USF3: variants seen among roughly 807,000 people sequenced by gnomAD.
The protein encoded by USF3 is basic helix-loop-helix domain-containing protein USF3.
In USF3, 29 loss-of-function variants were observed where a neutral mutation model predicts 157.5. The ratio of observed to expected loss-of-function variants is 0.18; its 90% CI spans 0.14 to 0.25. USF3 has a LOEUF of 0.25. Among genes scored for constraint, USF3 ranks in the 10% least tolerant of loss-of-function variants. The probability of loss-of-function intolerance (pLI) is 1.00; values close to 1 mark genes in which losing one functional copy is unlikely to be tolerated. For synonymous variants in USF3, 893 were observed against 941.4 expected, an observed-to-expected ratio of 0.95 and a Z score of 0.94; for missense variants, 2,381 against 2,667.6, an observed-to-expected ratio of 0.89 and a Z score of 2.37.
chr3:113,681,704 T>A (rs1707433641), intron 1 of USF3, among the ~76,000 whole-genome samples: 1 of 150,524 alleles, frequency 6.6e-6, no homozygotes, highest in African/African-American at 2.5e-5. Context: ...CCAGCAATAT[T>A]ATTTCAATTT....
rs375828256 is a variant in USF3, at chr3:113,660,284, G to A, written c.1398C>T (p.Thr466=). ...PVLNESGTSP[T]TSNHSRYVAT... ...CCACATATCTACTGTGGTTGCTTGT[G>A]GTGGGGCTAGTACCAGACTCATTTA... The change falls in exon 7 of 7, where the codon ACC becomes ACT. Residue 466 remains threonine, a synonymous_variant. Transcript: ENST00000316407. The A allele has an allele frequency of 7.1e-5, 115 of 1,614,166 alleles. No individual in the cohort carries two copies. The African/African-American group carries it at 1.3e-3, about 18-fold the overall frequency.
chr3:113,684,740 G>A (rs2107957244), intron 1 of USF3, among the ~76,000 whole-genome samples: 2 of 152,138 alleles, frequency 1.3e-5, no homozygotes, highest in East Asian at 3.9e-4. Context: ...ATAGGATTCT[G>A]AATTTTTTCT....
chr3:113,680,131 T>A lies in USF3; in HGVS notation c.-134-2734A>T, dbSNP rs1048055305. The stretch of plus-strand genomic sequence containing the variant: ...GGTAACATTGGCTTCACAGAATGAA[T>A]TCGAAGTATTCCCTCCTCCTCTATT... On this transcript the variant is annotated intron_variant, in intron 1 of 6. Coordinates refer to ENST00000316407, the MANE Select transcript of USF3 (RefSeq NM_001009899.4). Among the ~76,000 whole-genome samples the A allele has an allele frequency of 2.1e-4, 30 of 145,442 alleles. No individual in the cohort carries two copies. In the Admixed American group the frequency reaches 2.1e-3, roughly 10 times the overall value.
rs751876795 is a variant in USF3 at position 113,661,185 on chromosome 3, T to G, written c.497A>C (p.Gln166Pro). The G allele has an allele frequency of 6.2e-7, 1 of 1,614,222 alleles. No homozygotes were observed. The highest frequency in any genetic ancestry group is 1.1e-5 in the South Asian group (1 of 91,082). Residue 166 changes from glutamine (Q) to proline (P), a missense_variant, in exon 7 of 7, where the codon CAG (glutamine) becomes CCG (proline). By Grantham distance (76) the Gln-to-Pro change is moderately conservative. Coordinates refer to ENST00000316407, the MANE Select transcript of USF3 (RefSeq NM_001009899.4). ...ATGACTAACATTAAAAGTTATCCCC[T>G]GAACAGCTGTTCCCTGGCTGTTTCC... ...PGGNSQGTAVQGITFNVSHNL... is the reference protein window; with the variant it reads ...PGGNSQGTAVPGITFNVSHNL...
intron 4 of USF3, among the ~76,000 whole-genome samples, chr3:113,670,704 T>C (rs962189199): frequency 1.3e-5 from 2 of 152,156 alleles, no homozygotes; most frequent in Admixed American, 1.3e-4. Context: ...ATGTCTAAGA[T>C]GTCATTTTTT....
In USF3 at chr3:113,648,735, T is replaced by TACA. The variant is rs1255005459; in HGVS notation, c.*6206_*6208dup. ...CAGACACTGCTGCCATGGTAATAGA[T>TACA]ACAAATATTACACTATTGAAAGCAC... is the stretch of plus-strand genomic sequence containing the variant. On this transcript the variant is annotated 3_prime_UTR_variant, in exon 7 of 7. Transcript: ENST00000316407. 1 of 152,598 alleles carries TACA rather than the reference T, an allele frequency of 6.6e-6. No individual in the cohort carries two copies. Among genetic ancestry groups the TACA allele is most frequent in the Non-Finnish European group, 1.5e-5 (1 of 68,022 alleles). The allele number at this position is 152,598 out of a possible 1,614,324, so 9.5% of individuals were successfully genotyped here. A position where few individuals can be genotyped will look rare whatever the true frequency, so the allele number is the denominator to read the frequency against.
At position 113,695,402 on chromosome 3, in the gene USF3, G is replaced by A. The variant is rs545699541; in HGVS notation, c.-135+968C>T. ...TTCAAAAGGCAGGTTTGTCTGTTTG[G>A]TTTTCTTTACAAAAGAGCAAACCTG... On this transcript the variant is annotated intron_variant, in intron 1 of 6. Coordinates refer to ENST00000316407, the MANE Select transcript of USF3 (RefSeq NM_001009899.4). Among the ~76,000 whole-genome samples the A allele has an allele frequency of 3.3e-5, 5 of 152,276 alleles. 1 individual carries two copies. In the South Asian group the frequency reaches 1.0e-3, roughly 32 times the overall value.
intron 1 of USF3, among the ~76,000 whole-genome samples, chr3:113,688,697 A>G (rs1707613840): frequency 6.6e-6 from 1 of 152,158 alleles, no homozygotes; most frequent in African/African-American, 2.4e-5. Context: ...GTGTGCAAGA[A>G]TTTTTCAAAA....
At chr3:113,687,446 T>C (rs1455122829) in intron 1 of USF3, among the ~76,000 whole-genome samples, 3 of 152,214 alleles carry the variant, frequency 2.0e-5, no homozygotes, top group Admixed American at 1.3e-4. Context: ...TACTGGGGTG[T>C]CACTGCTTCC....
intron 6 of USF3, among the ~76,000 whole-genome samples, chr3:113,663,397 TTATC>T (rs1423070309): frequency 6.6e-6 from 1 of 152,224 alleles, no homozygotes; most frequent in Admixed American, 6.5e-5. Flanking sequence ...CATGGATCAT[TTATC>T]TATCTGACGG....
Position 113,660,642 on chromosome 3 carries a change from G to C in USF3, c.1040C>G (p.Pro347Arg). The change falls in exon 7 of 7, where the codon CCT (proline) becomes CGT (arginine). Residue 347 changes from proline (P) to arginine (R), a missense_variant. This residue lies in a region of USF3 where 1,435 missense variants were observed against 1,550.9 expected (regional missense o/e 0.93). Transcript: ENST00000316407. ...AGAAGAATCACCTGCAGTTCTGGGA[G>C]GCTGCGAGCAGACTGTGGTGGTAAC... Reference protein sequence around the residue: ...VSVTTTVCSQPPRTAGDSSPM... With the variant: ...VSVTTTVCSQRPRTAGDSSPM... The C allele has an allele frequency of 6.2e-7, 1 of 1,614,192 alleles. No individual in the cohort carries two copies. The highest frequency in any genetic ancestry group is 1.1e-5 in the South Asian group (1 of 91,088).
chr3:113,657,852 A>G lies in USF3; in HGVS notation c.3830T>C (p.Val1277Ala). 1 of 1,614,156 alleles carries G rather than the reference A, an allele frequency of 6.2e-7. No homozygotes were observed. The highest frequency in any genetic ancestry group is 8.5e-7 in the Non-Finnish European group (1 of 1,180,024). The change falls in exon 7 of 7, where the codon GTT (valine) becomes GCT (alanine). Residue 1277 changes from valine to alanine, a missense_variant. Around this residue, in one of 6 missense-constraint regions of USF3, gnomAD observed 1,435 missense variants for 1,550.9 expected, o/e 0.93. Coordinates refer to ENST00000316407, the MANE Select transcript of USF3 (RefSeq NM_001009899.4). ...TTVPATVNLT[V>A]SSSSYGSQPP... ...TTGACTGCCATAGGAGCTAGATGAA[A>G]CGGTCAGATTAACCGTTGCAGGCAC...
intron 1 of USF3, among the ~76,000 whole-genome samples, chr3:113,680,579 A>T (rs1399494460): frequency 6.6e-6 from 1 of 152,162 alleles, no homozygotes; most frequent in African/African-American, 2.4e-5. Flanking sequence ...TGGGAGGCCA[A>T]GGGAGGCATA....
At chr3:113,687,229 TCA>T (rs67480409) in intron 1 of USF3, among the ~76,000 whole-genome samples, 17,908 of 102,150 alleles carry the variant, frequency 0.18, 1,233 homozygotes, top group African/African-American at 0.26. Context: ...ACACACACAG[TCA>T]CACACACACA....
rs532965334 is a variant in USF3 at position 113,696,613 on chromosome 3, A to G, written c.-378T>C. On this transcript the variant is annotated 5_prime_UTR_variant, in exon 1 of 7. Coordinates refer to ENST00000316407, the MANE Select transcript of USF3 (RefSeq NM_001009899.4). ...CGAGCCCGAGCCCTCAAGGCCGGAG[A>G]CCCGGCGGCAGCGCGGCCTCAACTT... 3 of 146,286 alleles carry G rather than the reference A, an allele frequency of 2.1e-5. No homozygotes were observed. In the South Asian group the frequency reaches 6.5e-4, roughly 32 times the overall value. 9.1% of individuals were successfully genotyped at this position (146,286 alleles called of 1,614,324 possible).
rs1184601072 is a variant in USF3, at chr3:113,651,218, C to T, written c.*3726G>A. 6.6e-6 allele frequency: 1 copy of T among 152,224 alleles called. No homozygotes were observed. Among genetic ancestry groups the T allele is most frequent in the Non-Finnish European group, 1.5e-5 (1 of 68,030 alleles). 9.4% of individuals were successfully genotyped at this position (152,224 alleles called of 1,614,324 possible). A position where few individuals can be genotyped will look rare whatever the true frequency, so the allele number is the denominator to read the frequency against. ...GACAGAGAAATGATTTAATCAATGA[C>T]TGTCACTCATGACTCAGACATAACT... On this transcript the variant is annotated 3_prime_UTR_variant, in exon 7 of 7. Coordinates refer to ENST00000316407, the MANE Select transcript of USF3 (RefSeq NM_001009899.4).
At chr3:113,682,473 C>T (rs1707456168) in intron 1 of USF3, among the ~76,000 whole-genome samples, 2 of 152,126 alleles carry the variant, frequency 1.3e-5, no homozygotes, top group Admixed American at 1.3e-4. Flanking sequence ...GTAAATATCT[C>T]TTAAGTCCAT....
Position 113,660,746 on chromosome 3 carries a change from AG to A in USF3, c.935del (p.Thr312IlefsTer11). The A allele has an allele frequency of 6.2e-7, 1 of 1,614,190 alleles. No homozygotes were observed. Among genetic ancestry groups the A allele is most frequent in the Non-Finnish European group, 8.5e-7 (1 of 1,180,016 alleles). On this transcript the variant is annotated frameshift_variant, in exon 7 of 7. Transcript: ENST00000316407. LOFTEE classifies it high-confidence loss of function. ...NIPHSSSATATKVHHGNKSCL... is the reference protein window; with the variant it reads ...NIPHSSSATAXKVHHGNKSCL... Reference sequence around the variant, plus strand: ...AGGACTTGTTTCCATGGTGCACTTTAGTGGCAGTTGCTGAGGAGCTGTGGGG... The same window carrying A: ...AGGACTTGTTTCCATGGTGCACTTTATGGCAGTTGCTGAGGAGCTGTGGGG...
At position 113,670,206 on chromosome 3, in the gene USF3, A is replaced by G; in HGVS notation, c.77-3T>C. 6.3e-7 allele frequency: 1 copy of G among 1,583,446 alleles called. No individual in the cohort carries two copies. Among genetic ancestry groups the G allele is most frequent in the Non-Finnish European group, 8.7e-7 (1 of 1,151,988 alleles). ...TTTCTTCTTTCTATGCCTCTCCACT[A>G]GATGGGAGAAAATTCGTTTATCAAA... is the stretch of plus-strand genomic sequence containing the variant. On this transcript the variant is annotated splice_region_variant and splice_polypyrimidine_tract_variant and intron_variant, in intron 4 of 6. Transcript: ENST00000316407.
Sources: allele counts gnomAD v4.1 joint callset (sites outside exome capture counted in the v4.1 genomes callset), GRCh38; gene constraint gnomAD v4.1.1; regional missense constraint gnomAD v4.1.1; transcripts MANE v1.5; gene names NCBI Gene and HGNC (gene_info 2026-07-23, HGNC 2026-07-21).